Variants in RBFOX3 observed in about 807,000 individuals in gnomAD.
The protein encoded by RBFOX3 is RNA binding protein fox-1 homolog 3.
Under a neutral mutation model 48.7 loss-of-function variants are expected in RBFOX3, and 17 were observed. The ratio of observed to expected loss-of-function variants is 0.35; its 90% CI spans 0.24 to 0.52. RBFOX3 has a LOEUF of 0.52. Among genes scored for constraint, RBFOX3 ranks in the 20% least tolerant of loss-of-function variants. The pLI, the probability that RBFOX3 is intolerant of heterozygous loss-of-function variation, is 0.94. For synonymous variants in RBFOX3, 212 were observed against 209.5 expected, an observed-to-expected ratio of 1.01 and a Z score of -0.10; for missense variants, 382 against 497.5, an observed-to-expected ratio of 0.77 and a Z score of 2.21.
rs2073607783 is a variant in RBFOX3, at chr17:79,090,030, A to T, written c.*853T>A. 6.6e-6 allele frequency: 1 copy of T among 152,396 alleles called. No individual in the cohort carries two copies. The highest frequency in any genetic ancestry group is 1.5e-5 in the Non-Finnish European group (1 of 68,170). The allele number at this position is 152,396 out of a possible 1,614,324, so 9.4% of individuals were successfully genotyped here. On this transcript the variant is annotated 3_prime_UTR_variant, in exon 15 of 15. Transcript: ENST00000693108. ...GGAGCGGCAGGGAGGGCTGGGTCCC[A>T]GCAGGCAGCACGAGGTCAGCCTTGG...
At chr17:79,166,674 C>T (rs1273147284) in intron 4 of RBFOX3, among the ~76,000 whole-genome samples, 6 of 152,042 alleles carry the variant, frequency 3.9e-5, no homozygotes, top group Non-Finnish European at 5.9e-5. Context: ...TCCACCTGGC[C>T]GAGGGAAGCC....
At chr17:79,598,371 C>T (rs2093622517) in intron 1 of RBFOX3, 1 of 144,466 alleles carries the variant, frequency 6.9e-6, no homozygotes, top group Non-Finnish European at 1.5e-5. Flanking sequence ...CATGTGCACA[C>T]ATACATGCAC....
upstream of RBFOX3, among the ~76,000 whole-genome samples, chr17:79,611,363 G>A (rs1164825452): frequency 1.3e-5 from 2 of 151,964 alleles, no homozygotes; most frequent in East Asian, 2.0e-4. Flanking sequence ...GCGGAGCGGG[G>A]AGAGCCATGA....
intron 1 of RBFOX3, among the ~76,000 whole-genome samples, chr17:79,499,857 G>A (rs1228747611): frequency 6.6e-6 from 1 of 152,194 alleles, no homozygotes; most frequent in Non-Finnish European, 1.5e-5. Context: ...ACCAACAAAA[G>A]AGTATGCATT....
intron 2 of RBFOX3, among the ~76,000 whole-genome samples, chr17:79,439,479 T>C (rs1171434031): frequency 6.6e-6 from 1 of 152,256 alleles, no homozygotes; most frequent in Admixed American, 6.5e-5. Context: ...GACTGGTGTC[T>C]GGCAGGCGGT....
At chr17:79,568,579 T>C (rs1000873275) in intron 1 of RBFOX3, among the ~76,000 whole-genome samples, 1 of 152,288 alleles carries the variant, frequency 6.6e-6, no homozygotes, top group African/African-American at 2.4e-5. Context: ...CAACTAAAGC[T>C]GGGGGTAATG....
chr17:79,535,163 T>C lies in RBFOX3; in HGVS notation c.-319-52565A>G, dbSNP rs2088506613. On this transcript the variant is annotated intron_variant, in intron 1 of 14. Transcript: ENST00000693108. The surrounding 1 kb of genome is among the most constrained non-coding windows in gnomAD (Gnocchi z 4.5). Reference sequence around the variant, plus strand: ...CTCTATGCCACAAGGACACAGGTCCTGTCTCCTGCCTGCTCTGCTACCCTC... The same window carrying C: ...CTCTATGCCACAAGGACACAGGTCCCGTCTCCTGCCTGCTCTGCTACCCTC... Among the ~76,000 whole-genome samples, 1 of 152,216 alleles carries C rather than the reference T, an allele frequency of 6.6e-6. No homozygotes were observed. The highest frequency in any genetic ancestry group is 6.5e-5 in the Admixed American group (1 of 15,286).
intron 4 of RBFOX3, among the ~76,000 whole-genome samples, chr17:79,211,353 C>T (rs908583531): frequency 7.9e-5 from 12 of 152,228 alleles, no homozygotes; most frequent in African/African-American, 1.2e-4. Flanking sequence ...GCTCAGCCTC[C>T]GGAACCATGA....
At chr17:79,145,054 T>C (rs989800660) in intron 4 of RBFOX3, among the ~76,000 whole-genome samples, 2 of 151,560 alleles carry the variant, frequency 1.3e-5, no homozygotes, top group Non-Finnish European at 2.9e-5. Context: ...CGCAGCAAGG[T>C]GGGGGCGGGA....
chr17:79,097,652 A>G (rs59021665), intron 10 of RBFOX3, 40 bp downstream of exon 10: 483,400 of 1,400,520 alleles, frequency 0.35, 93,702 homozygotes, highest in African/African-American at 0.67. Context: ...GGGGCCAAGT[A>G]GCTGGTCTCA....
At chr17:79,386,766 GACC>G (rs1470727745) in intron 2 of RBFOX3, among the ~76,000 whole-genome samples, 6 of 152,136 alleles carry the variant, frequency 3.9e-5, no homozygotes, top group Non-Finnish European at 7.3e-5. Flanking sequence ...CTCCAAGCAG[GACC>G]ACATTTCTGA....
chr17:79,547,417 A>T (rs1183778809), intron 1 of RBFOX3, among the ~76,000 whole-genome samples: 1 of 152,144 alleles, frequency 6.6e-6, no homozygotes, highest in African/African-American at 2.4e-5. Flanking sequence ...ATTGCACCAC[A>T]GCACTCCAGC....
At chr17:79,236,942 G>C (rs1198080920) in intron 3 of RBFOX3, among the ~76,000 whole-genome samples, 1 of 152,116 alleles carries the variant, frequency 6.6e-6, no homozygotes, top group Non-Finnish European at 1.5e-5. Context: ...TACATGACTT[G>C]CACATTTTTT....
chr17:79,251,085 G>C (rs1295389748), intron 3 of RBFOX3, among the ~76,000 whole-genome samples: 1 of 152,072 alleles, frequency 6.6e-6, no homozygotes, highest in Non-Finnish European at 1.5e-5. Flanking sequence ...TTACAGGTGT[G>C]AGCTGCCGCG....
In RBFOX3 at chr17:79,473,577, T is replaced by C. The variant is rs2077313825; in HGVS notation, c.-175+8877A>G. Reference sequence around the variant, plus strand: ...TTACGAGTGTATTATTTGATCTTTGTTGAACTTGGGTTTATCTTTGCTTGC... The same window carrying C: ...TTACGAGTGTATTATTTGATCTTTGCTGAACTTGGGTTTATCTTTGCTTGC... On this transcript the variant is annotated intron_variant, in intron 2 of 14. Coordinates refer to ENST00000693108, the MANE Select transcript of RBFOX3 (RefSeq NM_001350451.2). This position sits in a 1 kb window ranked among gnomAD's most constrained non-coding sequence, Gnocchi z 4.2. Among the ~76,000 whole-genome samples the C allele has an allele frequency of 1.3e-5, 2 of 152,234 alleles. No homozygotes were observed. Among genetic ancestry groups the C allele is most frequent in the East Asian group, 1.9e-4 (1 of 5,198 alleles).
Position 79,390,087 on chromosome 17 carries a change from C to T in RBFOX3, c.-174-82263G>A, listed in dbSNP as rs1001264250. On this transcript the variant is annotated intron_variant, in intron 2 of 14. Coordinates refer to ENST00000693108, the MANE Select transcript of RBFOX3 (RefSeq NM_001350451.2). The surrounding 1 kb of genome is among the most constrained non-coding windows in gnomAD (Gnocchi z 4.2). ...GGTCTCCGCAGCCTCCGGGTCTCCG[C>T]AGCCTCCGGGTCTCCGTAGCCAGCC... 6.6e-6 allele frequency among the ~76,000 whole-genome samples: 1 copy of T among 151,502 alleles called. No homozygotes were observed. Among genetic ancestry groups the T allele is most frequent in the Non-Finnish European group, 1.5e-5 (1 of 67,950 alleles).
rs565812439 is a variant in RBFOX3, at chr17:79,366,936, C to T, written c.-174-59112G>A. Reference sequence around the variant, plus strand: ...AGAGAGAGCCACCTCGCCCAAGGGCCCTGGGGAGGGTCCACATCCATGACA... The same window carrying T: ...AGAGAGAGCCACCTCGCCCAAGGGCTCTGGGGAGGGTCCACATCCATGACA... On this transcript the variant is annotated intron_variant, in intron 2 of 14. Transcript: ENST00000693108. Among the ~76,000 whole-genome samples the T allele has an allele frequency of 2.7e-3, 414 of 152,306 alleles. 3 individuals carry two copies. The highest frequency in any genetic ancestry group is 3.7e-3 in the Non-Finnish European group (252 of 68,036).
chr17:79,167,583 G>C (rs896116964), intron 4 of RBFOX3, among the ~76,000 whole-genome samples: 3 of 152,204 alleles, frequency 2.0e-5, no homozygotes, highest in Non-Finnish European at 4.4e-5. Context: ...GGGCACTCAA[G>C]CCTGTCTTCT....
chr17:79,106,308 G>C (rs979537456), intron 6 of RBFOX3, among the ~76,000 whole-genome samples: 1 of 152,308 alleles, frequency 6.6e-6, no homozygotes, highest in Middle Eastern at 3.4e-3. Context: ...TGGCTGCGAG[G>C]TCCCAAGGTA....
Sources: gnomAD v4.1 joint callset for allele counts (sites outside exome capture counted in the v4.1 genomes callset) on GRCh38, gnomAD v4.1.1 for gene constraint, Gnocchi (gnomAD v3.1) non-coding constraint, MANE v1.5 for transcripts, NCBI Gene and HGNC (gene_info 2026-07-23, HGNC 2026-07-21) for gene names.